The following CCDC38 variants were observed in gnomAD, a reference collection of about 807,000 sequenced individuals.
CCDC38 encodes the protein coiled-coil domain-containing protein 38.
In CCDC38, 69 loss-of-function variants were observed where a neutral mutation model predicts 72.8. That is an observed-to-expected ratio of 0.95 (90% CI 0.78 to 1.16). CCDC38 has a LOEUF of 1.16. Among genes scored for constraint, CCDC38 ranks in the 50% most tolerant of loss-of-function variants. CCDC38 has a pLI of 0.00. For missense variants in CCDC38, 626 were observed against 638.9 expected (o/e 0.98, Z 0.22); for synonymous variants, 201 against 213.2 (o/e 0.94, Z 0.50).
chr12:95,894,590 C>T (rs1339842223), intron 8 of CCDC38, among the ~76,000 whole-genome samples: 1 of 152,104 alleles, frequency 6.6e-6, no homozygotes, highest in African/African-American at 2.4e-5. Context: ...AAGAGCCTGG[C>T]ACCTGCTTCC....
At chr12:95,898,907 C>T (rs1030732782) in intron 5 of CCDC38, among the ~76,000 whole-genome samples, 176 bp from the exon 6 acceptor site, 2 of 152,174 alleles carry the variant, frequency 1.3e-5, no homozygotes, top group Non-Finnish European at 2.9e-5. Context: ...AGAGGGGAGA[C>T]TAATTTCCCT....
In CCDC38 at chr12:95,879,728, T is replaced by G; in HGVS notation, c.1058A>C (p.Asn353Thr). ...TTGGGAATATTGAAACAAAGTAAGA[T>G]TCTGCTCTTCCAGCTCTCTGAGGAC... ...LQVLRELEEQ[N>T]LTLFQYSQDV... Residue 353 changes from asparagine (N) to threonine (T), a missense_variant, in exon 12 of 16, where the codon AAT becomes ACT. By Grantham distance (65) the Asn-to-Thr change is moderately conservative. Coordinates refer to ENST00000344280, the MANE Select transcript of CCDC38 (RefSeq NM_182496.3). This position sits in a 1 kb window ranked among gnomAD's most constrained non-coding sequence, Gnocchi z 5.5. 6.2e-7 allele frequency: 1 copy of G among 1,612,228 alleles called. No homozygotes were observed. Among genetic ancestry groups the G allele is most frequent in the South Asian group, 1.1e-5 (1 of 90,940 alleles).
chr12:95,894,989 T>A lies in CCDC38; in HGVS notation c.772A>T (p.Lys258Ter). 1.2e-6 allele frequency: 2 copies of A among 1,604,980 alleles called. No individual in the cohort carries two copies. The highest frequency in any genetic ancestry group is 1.7e-6 in the Non-Finnish European group (2 of 1,176,854). ...ANIILPKILA[K>*]LSLHSSNKEG... is the part of the protein sequence containing the mutation. ...TGAAAGTTGAGTATAAGTAACTTAC[T>A]TGCTAATATTTTTGGAAGGATGATA... Residue 258 changes from lysine (K) to a stop codon, truncating the protein, a stop_gained and splice_region_variant, in exon 8 of 16, where the codon AAA (lysine) becomes TAA (stop). Transcript: ENST00000344280. LOFTEE classifies it high-confidence loss of function.
intron 10 of CCDC38, among the ~76,000 whole-genome samples, chr12:95,887,649 A>C (rs536113767): frequency 3.3e-5 from 5 of 152,108 alleles, no homozygotes; most frequent in Admixed American, 3.3e-4. Flanking sequence ...AACATGAAGA[A>C]CCCTGCGCTG....
At chr12:95,878,385 G>T (rs746163206) in intron 12 of CCDC38, 39 bp from the exon 13 acceptor site, 3 of 1,595,372 alleles carry the variant, frequency 1.9e-6, no homozygotes, top group African/African-American at 2.7e-5. Context: ...TCTGAAATTT[G>T]TGGTTAGTGA....
At chr12:95,902,241 AT>A (rs1169056770) in intron 5 of CCDC38, among the ~76,000 whole-genome samples, 2 of 152,192 alleles carry the variant, frequency 1.3e-5, no homozygotes, top group Non-Finnish European at 2.9e-5. Context: ...TAAACTCCAC[AT>A]TTTTAAAGTA....
intron 5 of CCDC38, 84 bp downstream of exon 5, chr12:95,906,303 C>A: frequency 9.9e-7 from 1 of 1,006,612 alleles, no homozygotes; most frequent in Non-Finnish European, 1.5e-6. Flanking sequence ...ATGTAATAGA[C>A]AAGCAAAATG....
chr12:95,927,748 G>T lies in CCDC38; in HGVS notation c.37+8725C>A, dbSNP rs373319020. Among the ~76,000 whole-genome samples the T allele has an allele frequency of 3.6e-4, 54 of 152,056 alleles. 1 individual carries two copies. Among genetic ancestry groups the T allele is most frequent in the South Asian group, 2.9e-3 (14 of 4,802 alleles). On this transcript the variant is annotated intron_variant, in intron 2 of 15. Coordinates refer to ENST00000344280, the MANE Select transcript of CCDC38 (RefSeq NM_182496.3). ...GGGCAGGCCTGGTGGTGACAAAATCGCTCAGCATTTGCTTGTCTGTAAAGT... is the reference window on the plus strand; with the variant it reads ...GGGCAGGCCTGGTGGTGACAAAATCTCTCAGCATTTGCTTGTCTGTAAAGT...
At chr12:95,885,430 C>A in intron 10 of CCDC38, 1 of 179,210 alleles carries the variant, frequency 5.6e-6, no homozygotes, top group Non-Finnish European at 1.2e-5. Context: ...TGGTGACATA[C>A]ACCTGGGAGA....
intron 5 of CCDC38, among the ~76,000 whole-genome samples, chr12:95,905,823 T>C (rs2079995241): frequency 6.6e-6 from 1 of 152,230 alleles, no homozygotes; most frequent in Non-Finnish European, 1.5e-5. Flanking sequence ...ATGTTTTCAG[T>C]TATATGCCTG....
chr12:95,897,171 C>G (rs1308843815), intron 7 of CCDC38, among the ~76,000 whole-genome samples: 1 of 152,058 alleles, frequency 6.6e-6, no homozygotes, highest in Non-Finnish European at 1.5e-5. Flanking sequence ...AGCCTAGGAC[C>G]TAGTTCTAGA....
intron 3 of CCDC38, 140 bp downstream of exon 3, chr12:95,918,736 G>A: frequency 1.6e-6 from 1 of 609,280 alleles, no homozygotes; most frequent in Non-Finnish European, 2.9e-6. Context: ...TGTTCACACT[G>A]TCTCCCCATC....
Position 95,936,515 on chromosome 12 carries a change from TGCCTG to T in CCDC38, c.-11_-7del. On this transcript the variant is annotated 5_prime_UTR_variant, in exon 2 of 16. Coordinates refer to ENST00000344280, the MANE Select transcript of CCDC38 (RefSeq NM_182496.3). Reference sequence around the variant, plus strand: ...GGCAATAAATTTGAGGACATTTTCTTGCCTGGCCCTGTTGAAAGAAAAAAAAATAC... The same window carrying T: ...GGCAATAAATTTGAGGACATTTTCTTGCCCTGTTGAAAGAAAAAAAAATAC... 1 of 1,607,342 alleles carries T rather than the reference TGCCTG, an allele frequency of 6.2e-7. No individual in the cohort carries two copies.
Position 95,936,493 on chromosome 12 carries a change from A to T in CCDC38, c.17T>A (p.Leu6Ter). MSSNL[L>*]PTLNSGGKVK... is the part of the protein sequence containing the mutation. ...TTTACCTCCAGAATTCAGTGTTGGC[A>T]ATAAATTTGAGGACATTTTCTTGCC... The change falls in exon 2 of 16, where the codon TTG becomes TAG. Residue 6 changes from leucine (L) to a stop codon, truncating the protein, a stop_gained. Coordinates refer to ENST00000344280, the MANE Select transcript of CCDC38 (RefSeq NM_182496.3). LOFTEE classifies it high-confidence loss of function. 1 of 1,612,562 alleles carries T rather than the reference A, an allele frequency of 6.2e-7. No homozygotes were observed. The highest frequency in any genetic ancestry group is 8.5e-7 in the Non-Finnish European group (1 of 1,179,742).
At chr12:95,896,055 CA>C (rs1169899419) in intron 7 of CCDC38, among the ~76,000 whole-genome samples, 17,068 of 72,982 alleles carry the variant, frequency 0.23, 744 homozygotes, top group Middle Eastern at 0.29. Context: ...GACTCTGTCT[CA>C]AAAAAAAAAA....
intron 1 of CCDC38, among the ~76,000 whole-genome samples, chr12:95,937,770 C>A (rs774133196): frequency 6.6e-6 from 1 of 152,134 alleles, no homozygotes; most frequent in Non-Finnish European, 1.5e-5. Context: ...TATGTGTGAG[C>A]AAGTTCATGT....
chr12:95,890,065 C>T (rs562267742), intron 9 of CCDC38, among the ~76,000 whole-genome samples: 7 of 152,270 alleles, frequency 4.6e-5, no homozygotes, highest in African/African-American at 1.7e-4. Flanking sequence ...GCGTATACCA[C>T]CATGCCCAGC....
intron 14 of CCDC38, 136 bp from the exon 15 acceptor site, chr12:95,869,709 T>C (rs1049415355): frequency 1.6e-6 from 1 of 630,072 alleles, no homozygotes; most frequent in Non-Finnish European, 2.7e-6. Context: ...TCATCTTTAC[T>C]CATAACCGTG....
At chr12:95,922,739 G>A (rs950985222) in intron 2 of CCDC38, among the ~76,000 whole-genome samples, 2 of 152,194 alleles carry the variant, frequency 1.3e-5, no homozygotes, top group Non-Finnish European at 2.9e-5. Flanking sequence ...AAACAGCTGA[G>A]GGTGGGTCCA....
Sources: allele counts gnomAD v4.1 joint callset (sites outside exome capture counted in the v4.1 genomes callset), GRCh38; gene constraint gnomAD v4.1.1; non-coding constraint Gnocchi (gnomAD v3.1); transcripts MANE v1.5; gene names NCBI Gene and HGNC (gene_info 2026-07-23, HGNC 2026-07-21).